The following IQCK variants were observed in gnomAD, a reference collection of about 807,000 sequenced individuals.
The protein encoded by IQCK is IQ motif containing K.
A neutral mutation model predicts 28.1 loss-of-function variants in IQCK; 29 were observed. The ratio of observed to expected loss-of-function variants is 1.03; its 90% confidence interval spans 0.77 to 1.41. The LOEUF is 1.41. Ranked by LOEUF, IQCK falls within the 40% of genes most tolerant of loss-of-function variation. The pLI, the probability that IQCK is intolerant of heterozygous loss-of-function variation, is 0.00. For synonymous variants in IQCK, 113 were observed against 115.1 expected, an observed-to-expected ratio of 0.98 and a Z score of 0.12; for missense variants, 359 against 314.7, an observed-to-expected ratio of 1.14 and a Z score of -1.07.
chr16:19,774,328 A>G (rs950152734), intron 6 of IQCK, among the ~76,000 whole-genome samples: 4 of 148,832 alleles, frequency 2.7e-5, no homozygotes, highest in Non-Finnish European at 4.4e-5. Context: ...AACTATTATT[A>G]TATTTCATTA....
intron 9 of IQCK, among the ~76,000 whole-genome samples, chr16:19,840,375 A>G (rs186302568): frequency 6.6e-6 from 1 of 152,270 alleles, no homozygotes; most frequent in African/African-American, 2.4e-5. Flanking sequence ...TAATAAAGAA[A>G]GAAAGACAAA....
chr16:19,836,670 C>T (rs530141769), intron 9 of IQCK, among the ~76,000 whole-genome samples: 6 of 152,256 alleles, frequency 3.9e-5, no homozygotes, highest in South Asian at 4.1e-4. Flanking sequence ...CACGCCACCA[C>T]GCCTGGCTAA....
intron 4 of IQCK, among the ~76,000 whole-genome samples, chr16:19,750,610 T>A (rs916349361): frequency 6.6e-5 from 10 of 151,258 alleles, no homozygotes; most frequent in South Asian, 2.1e-4. Context: ...TATAGGTGTG[T>A]GCCACCATGC....
At chr16:19,763,569 A>T (rs1172567604) in intron 4 of IQCK, among the ~76,000 whole-genome samples, 1 of 152,274 alleles carries the variant, frequency 6.6e-6, no homozygotes, top group African/African-American at 2.4e-5. Flanking sequence ...CAGCCTCCTG[A>T]GTAGCTGGGA....
intron 9 of IQCK, among the ~76,000 whole-genome samples, chr16:19,835,845 A>T (rs2056289408): frequency 6.6e-6 from 1 of 152,164 alleles, no homozygotes; most frequent in Admixed American, 6.5e-5. Context: ...TCGGCCTCTT[A>T]AAGTGCTGGA....
Position 19,853,775 on chromosome 16 carries a change from G to A in IQCK, c.803-2712G>A, listed in dbSNP as rs1157413614. ...TCCCAAGTAGCTGGGATTAACAGGC[G>A]CCTGCCACCACGCCCAGCTAATTTT... On this transcript the variant is annotated intron_variant, in intron 9 of 9. Coordinates refer to the IQCK transcript ENST00000320394. Among the ~76,000 whole-genome samples the A allele has an allele frequency of 5.3e-5, 8 of 152,250 alleles. No individual in the cohort carries two copies. In the East Asian group the frequency reaches 5.8e-4, roughly 11 times the overall value.
chr16:19,727,626 C>A (rs1977701949), intron 1 of IQCK, among the ~76,000 whole-genome samples: 3 of 149,942 alleles, frequency 2.0e-5, no homozygotes. Context: ...GGATCTATGC[C>A]ATATCTAACA....
chr16:19,758,279 T>C (rs1470916539), intron 4 of IQCK, among the ~76,000 whole-genome samples: 1 of 152,238 alleles, frequency 6.6e-6, no homozygotes, highest in African/African-American at 2.4e-5. Flanking sequence ...AAACAACAGC[T>C]GAACAATATC....
chr16:19,820,574 G>A (rs560170213), intron 7 of IQCK, among the ~76,000 whole-genome samples: 41 of 151,952 alleles, frequency 2.7e-4, no homozygotes, highest in Non-Finnish European at 5.7e-4. Flanking sequence ...ACTTGAACCC[G>A]GGAGGCAGAG....
intron 7 of IQCK, among the ~76,000 whole-genome samples, chr16:19,814,078 G>A (rs1362806866): frequency 1.3e-5 from 2 of 152,014 alleles, no homozygotes; most frequent in African/African-American, 4.8e-5. Flanking sequence ...AAATTAGTTG[G>A]GTGTGGTGGC....
At chr16:19,807,388 G>A (rs903991757) in intron 7 of IQCK, among the ~76,000 whole-genome samples, 2 of 152,214 alleles carry the variant, frequency 1.3e-5, no homozygotes, top group Non-Finnish European at 2.9e-5. Context: ...CAGCAATGGA[G>A]ACCAATACAA....
chr16:19,798,453 A>C (rs928546866), intron 7 of IQCK, among the ~76,000 whole-genome samples: 5 of 115,382 alleles, frequency 4.3e-5, no homozygotes, highest in Admixed American at 3.1e-4. Flanking sequence ...TATTTCGGTC[A>C]CTTACAGCCT....
intron 1 of IQCK, among the ~76,000 whole-genome samples, chr16:19,724,198 A>C (rs1159752828): frequency 6.6e-6 from 1 of 151,638 alleles, no homozygotes; most frequent in Non-Finnish European, 1.5e-5. Flanking sequence ...ATCTCTCTAG[A>C]CTCAGTCCAC....
chr16:19,728,998 C>G (rs1362911375), intron 1 of IQCK, among the ~76,000 whole-genome samples: 3 of 152,188 alleles, frequency 2.0e-5, no homozygotes, highest in African/African-American at 7.2e-5. Context: ...GTGCAATTGT[C>G]TTGACAACAT....
chr16:19,755,172 A>G (rs1183309352), intron 4 of IQCK, among the ~76,000 whole-genome samples: 2 of 152,194 alleles, frequency 1.3e-5, no homozygotes, highest in Admixed American at 1.3e-4. Context: ...TGTATTGTGG[A>G]AAATACGTGG....
At chr16:19,784,223 T>C (rs1000238056) in intron 6 of IQCK, among the ~76,000 whole-genome samples, 5 of 152,134 alleles carry the variant, frequency 3.3e-5, no homozygotes, top group African/African-American at 1.2e-4. Flanking sequence ...ATTTTTTTTT[T>C]CTTCGAAGCA....
intron 1 of IQCK, among the ~76,000 whole-genome samples, chr16:19,727,594 C>CG (rs930676517): frequency 2.7e-5 from 4 of 150,554 alleles, no homozygotes; most frequent in African/African-American, 9.8e-5. Flanking sequence ...CACCCCCCCC[C>CG]CCCAAAAAAA....
chr16:19,759,832 T>C (rs2055111479), intron 4 of IQCK, among the ~76,000 whole-genome samples: 1 of 152,204 alleles, frequency 6.6e-6, no homozygotes, highest in South Asian at 2.1e-4. Context: ...TTTAAAAATA[T>C]ATTAGCCAGG....
intron 9 of IQCK, among the ~76,000 whole-genome samples, chr16:19,835,636 G>A (rs1297323138): frequency 6.8e-6 from 1 of 147,590 alleles, no homozygotes; most frequent in East Asian, 2.0e-4. Flanking sequence ...CCAGACTGAA[G>A]TGCAGTGGCA....
Sources: gnomAD v4.1 joint callset for allele counts (sites outside exome capture counted in the v4.1 genomes callset) on GRCh38, gnomAD v4.1.1 for gene constraint, MANE v1.5 for transcripts, NCBI Gene and HGNC (gene_info 2026-07-23, HGNC 2026-07-21) for gene names.